The following TAFA4 variants were observed in gnomAD, a reference collection of about 807,000 sequenced individuals.
The protein encoded by TAFA4 is chemokine-like protein TAFA-4.
TAFA4 carries 20 observed loss-of-function variants against 21.1 expected under a neutral mutation model. The ratio of observed to expected loss-of-function variants is 0.95; its 90% CI spans 0.67 to 1.38. TAFA4 has a LOEUF of 1.38. TAFA4 is among the 40% of genes most tolerant of loss of function. The probability of loss-of-function intolerance (pLI) is 0.00; values close to 1 mark genes in which losing one functional copy is unlikely to be tolerated. For synonymous variants in TAFA4, 71 were observed against 67.4 expected, an observed-to-expected ratio of 1.05 and a Z score of -0.26; for missense variants, 211 against 180.9, an observed-to-expected ratio of 1.17 and a Z score of -0.95.
chr3:68,759,338 G>A (rs1036467621), intron 3 of TAFA4, among the ~76,000 whole-genome samples: 1 of 152,020 alleles, frequency 6.6e-6, no homozygotes, highest in African/African-American at 2.4e-5. Flanking sequence ...CAAGTATCTG[G>A]GTACCTCATG....
intron 3 of TAFA4, among the ~76,000 whole-genome samples, chr3:68,811,502 A>G (rs181776966): frequency 5.3e-5 from 8 of 152,358 alleles, no homozygotes; most frequent in Non-Finnish European, 8.8e-5. Context: ...GCTGAAAACC[A>G]TGGCACGAGA....
chr3:68,893,937 A>C (rs1416052383), intron 1 of TAFA4, among the ~76,000 whole-genome samples: 1 of 152,228 alleles, frequency 6.6e-6, no homozygotes, highest in African/African-American at 2.4e-5. Flanking sequence ...AATTTTTAAT[A>C]AAGCCATATT....
chr3:68,824,007 C>A (rs1220820111), intron 3 of TAFA4, among the ~76,000 whole-genome samples: 1 of 152,134 alleles, frequency 6.6e-6, no homozygotes, highest in African/African-American at 2.4e-5. Flanking sequence ...ATCAGCTTCA[C>A]CATCCTGCCA....
chr3:68,783,040 C>G (rs1703180108), intron 3 of TAFA4, among the ~76,000 whole-genome samples: 1 of 152,132 alleles, frequency 6.6e-6, no homozygotes, highest in Non-Finnish European at 1.5e-5. Context: ...ATGACCATGT[C>G]AGTAGATGCA....
intron 3 of TAFA4, among the ~76,000 whole-genome samples, chr3:68,826,489 C>T (rs902058816): frequency 1.3e-5 from 2 of 149,112 alleles, no homozygotes; most frequent in Non-Finnish European, 3.0e-5. Flanking sequence ...AGGAGAATGG[C>T]GTGAACCCGG....
chr3:68,856,615 T>A (rs1029679522), intron 3 of TAFA4, among the ~76,000 whole-genome samples: 4 of 152,152 alleles, frequency 2.6e-5, no homozygotes, highest in Admixed American at 2.6e-4. Context: ...ATAGTGATAA[T>A]GAGGCAGGAA....
At chr3:68,856,651 A>C (rs138224222) in intron 3 of TAFA4, among the ~76,000 whole-genome samples, 2 of 152,136 alleles carry the variant, frequency 1.3e-5, no homozygotes, top group Non-Finnish European at 2.9e-5. Flanking sequence ...CAGATATTAC[A>C]GGTTCCACTT....
At chr3:68,884,133 A>T (rs893706412) in intron 2 of TAFA4, among the ~76,000 whole-genome samples, 2 of 150,198 alleles carry the variant, frequency 1.3e-5, no homozygotes, top group African/African-American at 2.5e-5. Flanking sequence ...AGTTTATTTT[A>T]AATATATGAA....
At chr3:68,852,862 C>T (rs899432345) in intron 3 of TAFA4, among the ~76,000 whole-genome samples, 5 of 152,002 alleles carry the variant, frequency 3.3e-5, no homozygotes, top group Non-Finnish European at 7.4e-5. Context: ...CCTGTGAGCA[C>T]TGGAAAAAGA....
rs537616469 is a variant in TAFA4, at chr3:68,930,756, T to C, written c.-123+1484A>G. Among the ~76,000 whole-genome samples, 17 of 152,290 alleles carry C rather than the reference T, an allele frequency of 1.1e-4. No homozygotes were observed. The South Asian group carries it at 3.5e-3, about 32-fold the overall frequency. ...CTGTATTTCCCATCTAGAGGAAGTG[T>C]TGGGCTTTCACACTGATATGACTAT... On this transcript the variant is annotated intron_variant, in intron 1 of 5. Transcript: ENST00000295569.
intron 3 of TAFA4, among the ~76,000 whole-genome samples, chr3:68,816,545 T>C (rs1313194656): frequency 2.0e-5 from 3 of 152,248 alleles, no homozygotes; most frequent in Non-Finnish European, 1.5e-5. Flanking sequence ...TTTTTGTATG[T>C]TGATTTTGAT....
At chr3:68,871,946 A>G (rs2089487601) in intron 3 of TAFA4, among the ~76,000 whole-genome samples, 1 of 152,082 alleles carries the variant, frequency 6.6e-6, no homozygotes, top group African/African-American at 2.4e-5. Context: ...CTCATACATC[A>G]TTGGGGGAAT....
At chr3:68,883,604 A>G (rs1173680725) in intron 2 of TAFA4, among the ~76,000 whole-genome samples, 1 of 152,230 alleles carries the variant, frequency 6.6e-6, no homozygotes, top group Non-Finnish European at 1.5e-5. Context: ...CAATAATTGA[A>G]TGAAATATCT....
intron 3 of TAFA4, among the ~76,000 whole-genome samples, chr3:68,806,455 A>G (rs143853321): frequency 7.2e-5 from 11 of 152,336 alleles, no homozygotes; most frequent in African/African-American, 2.6e-4. Flanking sequence ...CATATATTAT[A>G]TACTCTATTA....
chr3:68,831,159 C>A (rs1192660794), intron 3 of TAFA4, among the ~76,000 whole-genome samples: 1 of 152,158 alleles, frequency 6.6e-6, no homozygotes, highest in Non-Finnish European at 1.5e-5. Flanking sequence ...CAGTCTGTGT[C>A]TTTTAATTGG....
chr3:68,914,375 C>T (rs1024523532), intron 1 of TAFA4, among the ~76,000 whole-genome samples: 4 of 152,154 alleles, frequency 2.6e-5, no homozygotes, highest in Admixed American at 6.5e-5. Context: ...ATTCTGCATG[C>T]TATGTGAGTT....
At chr3:68,870,451 T>C (rs1393474476) in intron 3 of TAFA4, among the ~76,000 whole-genome samples, 1 of 152,104 alleles carries the variant, frequency 6.6e-6, no homozygotes, top group East Asian at 1.9e-4. Flanking sequence ...GACTTCAAAA[T>C]ATACTACAAA....
rs1184672404 is a variant in TAFA4 at position 68,826,320 on chromosome 3, T to C, written c.130+54410A>G. ...CGGCCATGGTGGCTCACGCCTGTAATCCCAACACTTTGGGAGGCCGAGGCA... is the reference window on the plus strand; with the variant it reads ...CGGCCATGGTGGCTCACGCCTGTAACCCCAACACTTTGGGAGGCCGAGGCA... On this transcript the variant is annotated intron_variant, in intron 3 of 5. Transcript: ENST00000295569. 4.6e-5 allele frequency among the ~76,000 whole-genome samples: 7 copies of C among 152,132 alleles called. No homozygotes were observed. The East Asian group carries it at 1.2e-3, about 25-fold the overall frequency.
chr3:68,881,463 T>C (rs965590219), intron 2 of TAFA4, among the ~76,000 whole-genome samples: 1 of 152,188 alleles, frequency 6.6e-6, no homozygotes, highest in East Asian at 1.9e-4. Flanking sequence ...TTCAGTTGCA[T>C]GGTCTATTCT....
Sources: gnomAD v4.1 joint callset for allele counts (sites outside exome capture counted in the v4.1 genomes callset) on GRCh38, gnomAD v4.1.1 for gene constraint, MANE v1.5 for transcripts, NCBI Gene and HGNC (gene_info 2026-07-23, HGNC 2026-07-21) for gene names.